CCNH: variants seen among roughly 807,000 people sequenced by gnomAD.
The protein encoded by CCNH is cyclin H.
CCNH carries 31 observed loss-of-function variants against 41.9 expected under a neutral mutation model. The ratio of observed to expected loss-of-function variants is 0.74; its 90% confidence interval spans 0.56 to 1.00. The LOEUF (loss-of-function observed/expected upper bound fraction) is 1.00, where lower values mean the gene tolerates loss of function less well. Ranked by LOEUF, CCNH falls within the 50% of genes least tolerant of loss-of-function variation. CCNH has a pLI of 0.00. For missense variants in CCNH, 362 were observed against 388.4 expected, an observed-to-expected ratio of 0.93 and a Z score of 0.57; for synonymous variants, 138 against 136.1, an observed-to-expected ratio of 1.01 and a Z score of -0.10.
Position 87,394,494 on chromosome 5 carries a change from A to G in CCNH, c.934-10T>C. The G allele has an allele frequency of 1.9e-6, 3 of 1,612,358 alleles. No homozygotes were observed. The highest frequency in any genetic ancestry group is 2.5e-6 in the Non-Finnish European group (3 of 1,178,928). ...CATCAGTCCATTCTTCCTAAGAAGG[A>G]AAAAAAGTGTGGTAAGGATAACACT... On this transcript the variant is annotated splice_polypyrimidine_tract_variant and intron_variant, in intron 8 of 8. Coordinates refer to ENST00000256897, the MANE Select transcript of CCNH (RefSeq NM_001239.4).
upstream of CCNH, chr5:87,380,608 A>G: frequency 6.3e-7 from 1 of 1,593,952 alleles, no homozygotes; most frequent in Non-Finnish European, 8.6e-7. Context: ...AAGGCTCATC[A>G]ATTGATTTGT....
At position 87,363,399 on chromosome 5, in the gene CCNH, C is replaced by T. The variant is rs752748783; in HGVS notation, c.*90+29371G>A. 60 of 1,610,332 alleles carry T rather than the reference C, an allele frequency of 3.7e-5. 1 individual carries two copies. In the Admixed American group the frequency reaches 7.3e-4, roughly 20 times the overall value. On this transcript the variant is annotated intron_variant and NMD_transcript_variant, in intron 9 of 9. Coordinates refer to the CCNH transcript ENST00000645953. Reference sequence around the variant, plus strand: ...TATTTTATCTTAGAGGGTAGTGATGCCCAACTTATTTATTTTGAAAGCGAA... The same window carrying T: ...TATTTTATCTTAGAGGGTAGTGATGTCCAACTTATTTATTTTGAAAGCGAA...
intron 9 of CCNH, among the ~76,000 whole-genome samples, chr5:87,339,382 T>G (rs918215725): frequency 6.6e-6 from 1 of 152,126 alleles, no homozygotes; most frequent in Non-Finnish European, 1.5e-5. Context: ...GTAAAAGAGA[T>G]ATTTACTCCA....
chr5:87,333,159 C>A, intron 9 of CCNH: 1 of 1,479,550 alleles, frequency 6.8e-7, no homozygotes, highest in Non-Finnish European at 9.1e-7. Context: ...TGAATGATCC[C>A]ATGGAGTTTC....
At chr5:87,372,060 G>T (rs919879447), downstream of CCNH, 11 of 1,444,578 alleles carry the variant, frequency 7.6e-6, no homozygotes, top group Non-Finnish European at 8.6e-6. Flanking sequence ...CCTAACTGAT[G>T]ATTTGGAAGC....
At chr5:87,351,287 T>A (rs1422524447) in intron 9 of CCNH, among the ~76,000 whole-genome samples, 2 of 151,748 alleles carry the variant, frequency 1.3e-5, no homozygotes, top group Non-Finnish European at 3.0e-5. Context: ...GTAAATACAT[T>A]AAAGAAAAAG....
At chr5:87,331,089 A>C (rs553878690) in intron 9 of CCNH, 1 of 949,178 alleles carries the variant, frequency 1.1e-6, no homozygotes, top group African/African-American at 1.7e-5. Flanking sequence ...GGAAGTAGGG[A>C]GATGGGTAGA....
chr5:87,327,231 CAG>C (rs1419313003), intron 9 of CCNH, among the ~76,000 whole-genome samples: 2 of 152,138 alleles, frequency 1.3e-5, no homozygotes, highest in African/African-American at 4.8e-5. Flanking sequence ...AACTGAGGCT[CAG>C]AGATAAAGTA....
At chr5:87,356,062 G>A (rs1461361329) in intron 9 of CCNH, among the ~76,000 whole-genome samples, 1 of 152,202 alleles carries the variant, frequency 6.6e-6, no homozygotes, top group Non-Finnish European at 1.5e-5. Context: ...TGAAGATCCT[G>A]TGATCGCTAC....
In CCNH at chr5:87,412,692, C is replaced by A; in HGVS notation, c.103G>T (p.Val35Leu). ...DANRKFRCKAVANGKVLPNDP... is the reference protein window; with the variant it reads ...DANRKFRCKALANGKVLPNDP... ...GAAAACCTCACCTTCCCGTTGGCCA[C>A]GGCTTTGCATCTGAATTTGCGGTTG... is the stretch of plus-strand genomic sequence containing the variant. Residue 35 changes from valine to leucine, a missense_variant, in exon 1 of 9, where the codon GTG becomes TTG. Physicochemically the swap from Val to Leu is conservative, Grantham distance 32. Transcript: ENST00000256897. The A allele has an allele frequency of 6.2e-7, 1 of 1,614,112 alleles. No homozygotes were observed. The highest frequency in any genetic ancestry group is 8.5e-7 in the Non-Finnish European group (1 of 1,179,978).
chr5:87,355,676 T>TA (rs1460181425), intron 9 of CCNH, among the ~76,000 whole-genome samples: 2 of 152,228 alleles, frequency 1.3e-5, no homozygotes, highest in African/African-American at 4.8e-5. Flanking sequence ...TTCATAATGT[T>TA]ATGTTTGCAA....
intron 9 of CCNH, among the ~76,000 whole-genome samples, chr5:87,339,675 A>G (rs13171860): frequency 1.7e-3 from 259 of 152,308 alleles, no homozygotes; most frequent in Middle Eastern, 6.8e-3. Flanking sequence ...ATGACCTCAC[A>G]TCAGTACAAG....
intron 9 of CCNH, among the ~76,000 whole-genome samples, chr5:87,325,557 C>T (rs1195690348): frequency 6.6e-6 from 1 of 152,116 alleles, no homozygotes; most frequent in African/African-American, 2.4e-5. Context: ...CACAGAGTCC[C>T]AAGTGATTCA....
intron 9 of CCNH, chr5:87,331,184 T>A: frequency 1.0e-6 from 1 of 957,718 alleles, no homozygotes; most frequent in East Asian, 2.4e-5. Context: ...TTTTTGAGAC[T>A]GAGGTTAAAT....
intron 8 of CCNH, 56 bp downstream of exon 8, chr5:87,394,988 C>T (rs777104756): frequency 1.2e-6 from 2 of 1,610,832 alleles, no homozygotes; most frequent in Non-Finnish European, 1.7e-6. Context: ...ACAGTATAGT[C>T]ACACCAGAAT....
chr5:87,365,731 A>ACT (rs1393769009), intron 9 of CCNH, among the ~76,000 whole-genome samples: 2 of 152,136 alleles, frequency 1.3e-5, no homozygotes, highest in Non-Finnish European at 2.9e-5. Flanking sequence ...TAACTCACTT[A>ACT]CTAGGACCTG....
At chr5:87,374,750 A>G (rs947893376), downstream of CCNH, 6 of 1,548,844 alleles carry the variant, frequency 3.9e-6, no homozygotes, top group African/African-American at 6.9e-5. Context: ...TAAAGCAGAA[A>G]TAGGGGGTTT....
In CCNH at chr5:87,338,109, C is replaced by A. The variant is rs771474315; in HGVS notation, c.*91-19212G>T. The A allele has an allele frequency of 8.1e-6, 13 of 1,611,222 alleles. No individual in the cohort carries two copies. Among genetic ancestry groups the A allele is most frequent in the Non-Finnish European group, 1.1e-5 (13 of 1,178,508 alleles). ...AAGAGGTGGTAAGTTTTGTTCTTTT[C>A]TTCTCAATTCTAGATTCTAAATATT... is the stretch of plus-strand genomic sequence containing the variant. On this transcript the variant is annotated intron_variant and NMD_transcript_variant, in intron 9 of 9. Transcript: ENST00000645953.
At chr5:87,318,105 G>C (rs1756486689), downstream of CCNH, among the ~76,000 whole-genome samples, 1 of 152,010 alleles carries the variant, frequency 6.6e-6, no homozygotes, top group Non-Finnish European at 1.5e-5. Flanking sequence ...AAATGTTCTT[G>C]GCATTTTGAA....
Sources: gnomAD v4.1 joint callset for allele counts (sites outside exome capture counted in the v4.1 genomes callset) on GRCh38, gnomAD v4.1.1 for gene constraint, MANE v1.5 for transcripts, NCBI Gene and HGNC (gene_info 2026-07-23, HGNC 2026-07-21) for gene names.